Variants in P2RX5 observed in about 807,000 individuals in gnomAD.
The protein encoded by P2RX5 is P2X purinoceptor 5.
P2RX5 carries 46 observed loss-of-function variants against 54.1 expected under a neutral mutation model. The observed-to-expected ratio is 0.85, with a 90% CI of 0.67 to 1.09. P2RX5 has a LOEUF of 1.09. P2RX5 is among the 50% of genes least tolerant of loss of function. P2RX5 has a pLI of 0.00. For synonymous variants in P2RX5, 226 were observed against 226.4 expected, an observed-to-expected ratio of 1.00 and a Z score of 0.02; for missense variants, 566 against 549.8, an observed-to-expected ratio of 1.03 and a Z score of -0.29.
chr17:3,713,285 A>C, the P2RX5 span, among the ~76,000 whole-genome samples: 1 of 151,732 alleles, frequency 6.6e-6, no homozygotes, highest in African/African-American at 2.4e-5. Flanking sequence ...GCTTGAACCC[A>C]AAAGTTCAAG....
intron 10 of P2RX5, among the ~76,000 whole-genome samples, chr17:3,680,036 CCCTCCACCCTACAT>C (rs1384023778): frequency 2.4e-5 from 3 of 123,962 alleles, no homozygotes; most frequent in Admixed American, 8.1e-5. Flanking sequence ...CCACCCAGCT[CCCTCCACCCTACAT>C]CCTCCACCCT....
the P2RX5 span, among the ~76,000 whole-genome samples, chr17:3,713,873 A>G: frequency 2.0e-5 from 3 of 152,228 alleles, no homozygotes; most frequent in Non-Finnish European, 2.9e-5. Flanking sequence ...TAAAACCCCA[A>G]AGAGTTTCTT....
At chr17:3,683,702 C>A (rs1221912177) in intron 9 of P2RX5, among the ~76,000 whole-genome samples, 2 of 150,056 alleles carry the variant, frequency 1.3e-5, no homozygotes, top group South Asian at 2.1e-4. Flanking sequence ...TGCACTCCAG[C>A]CTGGGCGACA....
At chr17:3,703,057 TG>T in the P2RX5 span, among the ~76,000 whole-genome samples, 1 of 152,222 alleles carries the variant, frequency 6.6e-6, no homozygotes, top group Non-Finnish European at 1.5e-5. Flanking sequence ...GGGCCTCACC[TG>T]GGGGAAACCA....
intron 10 of P2RX5, 151 bp from the exon 11 acceptor site, chr17:3,679,935 G>GT: frequency 1.4e-6 from 1 of 716,200 alleles, no homozygotes; most frequent in Non-Finnish European, 2.5e-6. Context: ...CCTCCATGCG[G>GT]CTCCCTCCAC....
At chr17:3,689,746 C>A (rs1321204247) in intron 6 of P2RX5, 116 bp from the exon 7 acceptor site, 4 of 1,356,872 alleles carry the variant, frequency 2.9e-6, no homozygotes, top group African/African-American at 2.9e-5. Flanking sequence ...CGCAGCAACA[C>A]CCCACTTTAC....
chr17:3,705,228 G>T, the P2RX5 span, among the ~76,000 whole-genome samples: 132,205 of 152,130 alleles, frequency 0.87, 60,484 homozygotes, highest in East Asian at 1. Context: ...GTGTGAGAAT[G>T]GTGGCAATGC....
At chr17:3,688,186 G>T in intron 8 of P2RX5, 81 bp from the exon 9 acceptor site, 4 of 769,424 alleles carry the variant, frequency 5.2e-6, no homozygotes, top group Non-Finnish European at 9.2e-6. Flanking sequence ...CTGCTCTGGG[G>T]ACTTAGAAGG....
At chr17:3,712,718 G>A in the P2RX5 span, among the ~76,000 whole-genome samples, 3 of 152,052 alleles carry the variant, frequency 2.0e-5, no homozygotes, top group Non-Finnish European at 4.4e-5. Context: ...AGCCTGAGGC[G>A]GGTGGATCAC....
Position 3,695,875 on chromosome 17 carries a change from A to AT in P2RX5, c.130_131insA (p.Leu44HisfsTer77). On this transcript the variant is annotated frameshift_variant, in exon 1 of 12. Transcript: ENST00000225328. LOFTEE classifies it high-confidence loss of function. The stretch of plus-strand genomic sequence containing the variant: ...AAGTCCGCGGAGAACTTACACGACC[A>AT]GGTACGCCAGGATGGAGGCCTGCAG... 6.3e-7 allele frequency: 1 copy of AT among 1,588,216 alleles called. No individual in the cohort carries two copies. The highest frequency in any genetic ancestry group is 8.6e-7 in the Non-Finnish European group (1 of 1,164,592).
chr17:3,711,540 G>A, the P2RX5 span, among the ~76,000 whole-genome samples: 7 of 148,258 alleles, frequency 4.7e-5, no homozygotes, highest in South Asian at 1.1e-3. Context: ...CCACCACCAC[G>A]CCCAGCTAAT....
At position 3,695,852 on chromosome 17, in the gene P2RX5, G is replaced by T; in HGVS notation, c.137+17C>A. On this transcript the variant is annotated intron_variant, in intron 1 of 11. Coordinates refer to ENST00000225328, the MANE Select transcript of P2RX5 (RefSeq NM_002561.4). Reference sequence around the variant, plus strand: ...CTGCCCCTCCCCCGCCTTCCCAAAAGTCCGCGGAGAACTTACACGACCAGG... The same window carrying T: ...CTGCCCCTCCCCCGCCTTCCCAAAATTCCGCGGAGAACTTACACGACCAGG... 3.4e-6 allele frequency: 5 copies of T among 1,451,778 alleles called. No individual in the cohort carries two copies. The highest frequency in any genetic ancestry group is 1.1e-5 in the South Asian group (1 of 88,236). 89.9% of individuals were successfully genotyped at this position (1,451,778 alleles called of 1,614,324 possible). A position where few individuals can be genotyped will look rare whatever the true frequency, so the allele number is the denominator to read the frequency against.
chr17:3,681,003 A>G (rs1323834675), intron 10 of P2RX5, among the ~76,000 whole-genome samples: 5 of 101,632 alleles, frequency 4.9e-5, no homozygotes, highest in East Asian at 3.1e-4. Flanking sequence ...TCCACCCTGC[A>G]TCCTCCACCC....
upstream of P2RX5, among the ~76,000 whole-genome samples, chr17:3,698,695 C>G (rs957006816): frequency 1.3e-5 from 2 of 152,152 alleles, no homozygotes; most frequent in African/African-American, 4.8e-5. Flanking sequence ...CAGGCAGCCC[C>G]TCCTGAACTC....
At chr17:3,699,836 G>GAA (rs1567744194), upstream of P2RX5, among the ~76,000 whole-genome samples, 4 of 128,252 alleles carry the variant, frequency 3.1e-5, no homozygotes, top group East Asian at 2.6e-4. Context: ...GAGAGAGAGA[G>GAA]AGAGAAAGAA....
chr17:3,674,183 C>T (rs942222772), intron 11 of P2RX5, among the ~76,000 whole-genome samples: 3 of 152,070 alleles, frequency 2.0e-5, no homozygotes, highest in Admixed American at 6.6e-5. Flanking sequence ...GCGAGGCGAG[C>T]GCCTGTAGTC....
the P2RX5 span, among the ~76,000 whole-genome samples, chr17:3,719,234 TC>T: frequency 4.9e-3 from 171 of 34,734 alleles, 8 homozygotes; most frequent in African/African-American, 0.02. Context: ...AGATTCTTCC[TC>T]AAAAAAAAAA....
chr17:3,699,874 A>AAAGAAAGAAAGAAAGGAAGGAAGGAAGG (rs1567744280), upstream of P2RX5, among the ~76,000 whole-genome samples: 2 of 42,774 alleles, frequency 4.7e-5, no homozygotes, highest in East Asian at 6.8e-4. Context: ...AGAAAGAAAG[A>AAAGAAAGAAAGAAAGGAAGGAAGGAAGG]AAGGAAGGAA....
chr17:3,699,926 GA>G (rs1171540975), upstream of P2RX5, among the ~76,000 whole-genome samples: 14 of 65,412 alleles, frequency 2.1e-4, 1 homozygote, highest in African/African-American at 5.8e-4. Flanking sequence ...AGGAAAGAAA[GA>G]AAGAAAGAAA....
Sources: gnomAD v4.1 joint callset for allele counts (sites outside exome capture counted in the v4.1 genomes callset) on GRCh38, gnomAD v4.1.1 for gene constraint, MANE v1.5 for transcripts, NCBI Gene and HGNC (gene_info 2026-07-23, HGNC 2026-07-21) for gene names.